GPHN: variants seen among roughly 807,000 people sequenced by gnomAD.
GPHN encodes the protein gephyrin.
Under a neutral mutation model 95.5 loss-of-function variants are expected in GPHN, and 17 were observed. The observed-to-expected ratio is 0.18, with a 90% CI of 0.12 to 0.27. The LOEUF (loss-of-function observed/expected upper bound fraction) is 0.27, where lower values mean the gene tolerates loss of function less well. Among genes scored for constraint, GPHN ranks in the 10% least tolerant of loss-of-function variants. The pLI is 1.00. For synonymous variants in GPHN, 320 were observed against 322.5 expected (o/e 0.99, Z 0.08); for missense variants, 660 against 978.1 (o/e 0.67, Z 4.34).
chr14:66,938,852 A>T (rs2067254942), intron 8 of GPHN, among the ~76,000 whole-genome samples: 1 of 152,212 alleles, frequency 6.6e-6, no homozygotes, highest in Admixed American at 6.5e-5. Flanking sequence ...TAACTATTTC[A>T]AAAGAGTTTT....
At chr14:67,576,420 T>G in the GPHN span, 2 of 1,606,650 alleles carry the variant, frequency 1.2e-6, no homozygotes, top group Non-Finnish European at 8.5e-7. The surrounding 1 kb of genome is among the most constrained non-coding windows in gnomAD (Gnocchi z 4.0). Context: ...CACCTCACAG[T>G]GGCTGCAGGT....
chr14:67,303,353 T>G, the GPHN span, among the ~76,000 whole-genome samples: 1 of 152,250 alleles, frequency 6.6e-6, no homozygotes, highest in African/African-American at 2.4e-5. Context: ...CTTCACACAC[T>G]TATTTTCATC....
In GPHN at chr14:66,749,834, G is replaced by GT. The variant is rs531375969; in HGVS notation, c.144-26620dup. ...TTCACAGTGCCTTTTACAAAGCAGG[G>GT]TTTTTTTTTTAATTTTTAATTTTTG... On this transcript the variant is annotated intron_variant, in intron 2 of 22. Coordinates refer to ENST00000478722, the MANE Select transcript of GPHN (RefSeq NM_020806.5). 6.1e-3 allele frequency among the ~76,000 whole-genome samples: 898 copies of GT among 147,596 alleles called. 6 individuals carry two copies. Among genetic ancestry groups the GT allele is most frequent in the African/African-American group, 7.6e-3 (307 of 40,386 alleles).
chr14:67,529,513 G>A, the GPHN span, among the ~76,000 whole-genome samples: 1 of 152,054 alleles, frequency 6.6e-6, no homozygotes, highest in Non-Finnish European at 1.5e-5. Flanking sequence ...TTAAAGTTAG[G>A]ACACTTCCTC....
At chr14:66,666,403 A>AT (rs1491168929) in intron 1 of GPHN, among the ~76,000 whole-genome samples, 1 of 151,614 alleles carries the variant, frequency 6.6e-6, no homozygotes, top group East Asian at 1.9e-4. Flanking sequence ...AAATAAAAAC[A>AT]TTTTTTAATA....
At chr14:67,428,247 C>T in the GPHN span, among the ~76,000 whole-genome samples, 2 of 152,094 alleles carry the variant, frequency 1.3e-5, no homozygotes, top group African/African-American at 4.8e-5. Flanking sequence ...TCCACCTATG[C>T]CCAGACCCCC....
the GPHN span, chr14:67,725,307 T>G: frequency 6.3e-7 from 1 of 1,577,984 alleles, no homozygotes; most frequent in Non-Finnish European, 8.7e-7. Flanking sequence ...TGGGAGTGGC[T>G]GCTCCACCCT....
At chr14:67,356,878 T>C in the GPHN span, among the ~76,000 whole-genome samples, 1 of 152,216 alleles carries the variant, frequency 6.6e-6, no homozygotes, top group Non-Finnish European at 1.5e-5. Flanking sequence ...TGATAGTAAA[T>C]ACTAGAACTT....
At chr14:66,895,675 C>G (rs1018977390) in intron 5 of GPHN, among the ~76,000 whole-genome samples, 4 of 151,944 alleles carry the variant, frequency 2.6e-5, no homozygotes, top group Non-Finnish European at 5.9e-5. Flanking sequence ...AGTTACCATT[C>G]AAGAATGGGG....
chr14:67,190,229 T>C, the GPHN span, among the ~76,000 whole-genome samples: 1 of 139,948 alleles, frequency 7.1e-6, no homozygotes, highest in Non-Finnish European at 1.6e-5. Flanking sequence ...GTTCTTTTCT[T>C]TTTTTTTTTT....
chr14:66,752,822 G>A (rs1442969456), intron 2 of GPHN, among the ~76,000 whole-genome samples: 1 of 151,480 alleles, frequency 6.6e-6, no homozygotes, highest in Non-Finnish European at 1.5e-5. Flanking sequence ...ATAAAAAAAT[G>A]TGTTTCTTAA....
intron 1 of GPHN, among the ~76,000 whole-genome samples, chr14:66,677,816 T>G (rs752647743): frequency 7.9e-5 from 12 of 152,160 alleles, no homozygotes; most frequent in Non-Finnish European, 1.3e-4. Flanking sequence ...CTGTAAGCCA[T>G]CTTTAGATCC....
the GPHN span, chr14:67,685,068 G>A: frequency 6.2e-7 from 1 of 1,614,164 alleles, no homozygotes; most frequent in Non-Finnish European, 8.5e-7. Flanking sequence ...CACAGTGCAG[G>A]CTGGTCTGGG....
chr14:66,685,992 A>G (rs1021976340), intron 2 of GPHN, among the ~76,000 whole-genome samples: 12 of 128,814 alleles, frequency 9.3e-5, no homozygotes, highest in Non-Finnish European at 1.8e-4. Context: ...AGCACCATTT[A>G]TTAAATAGGG....
chr14:66,996,179 T>A, intron 9 of GPHN: 2 of 1,533,592 alleles, frequency 1.3e-6, no homozygotes, highest in South Asian at 2.4e-5. Flanking sequence ...AAAACCAGGC[T>A]CGGCTTCCCT....
At chr14:67,039,190 C>T (rs942229277) in intron 10 of GPHN, among the ~76,000 whole-genome samples, 1 of 152,198 alleles carries the variant, frequency 6.6e-6, no homozygotes, top group African/African-American at 2.4e-5. Context: ...TCACCTCCAA[C>T]CTCCAGCTTC....
At chr14:66,567,488 A>C (rs1279078622) in intron 1 of GPHN, among the ~76,000 whole-genome samples, 1 of 152,106 alleles carries the variant, frequency 6.6e-6, no homozygotes, top group East Asian at 1.9e-4. Context: ...TGGATCTGGG[A>C]TTGTAAAGCC....
At chr14:66,985,124 C>G (rs981172602) in intron 9 of GPHN, among the ~76,000 whole-genome samples, 2 of 152,054 alleles carry the variant, frequency 1.3e-5, no homozygotes, top group Non-Finnish European at 2.9e-5. Flanking sequence ...TTAAAATTTT[C>G]TGGTTGGGCA....
the GPHN span, among the ~76,000 whole-genome samples, chr14:67,395,146 G>A: frequency 1.2e-4 from 18 of 152,320 alleles, no homozygotes; most frequent in African/African-American, 4.1e-4. Flanking sequence ...ATGGAATGGG[G>A]GTCTTGTGTC....
Sources: gnomAD v4.1 joint callset for allele counts (sites outside exome capture counted in the v4.1 genomes callset) on GRCh38, gnomAD v4.1.1 for gene constraint, Gnocchi (gnomAD v3.1) non-coding constraint, MANE v1.5 for transcripts, NCBI Gene and HGNC (gene_info 2026-07-23, HGNC 2026-07-21) for gene names.